LAX1: variants seen among roughly 807,000 people sequenced by gnomAD.
LAX1 encodes lymphocyte transmembrane adaptor 1, also known as lymphocyte transmembrane adapter 1.
Under a neutral mutation model 20.7 loss-of-function variants are expected in LAX1, and 17 were observed. The observed-to-expected ratio is 0.82, with a 90% confidence interval of 0.56 to 1.23. The LOEUF (loss-of-function observed/expected upper bound fraction) is 1.23. Ranked by LOEUF, LAX1 falls within the 50% of genes most tolerant of loss-of-function variation. The pLI is 0.00. For synonymous variants in LAX1, 165 were observed against 181.0 expected (o/e 0.91, Z 0.71); for missense variants, 470 against 487.0 (o/e 0.97, Z 0.33).
Position 203,774,425 on chromosome 1 carries a change from C to T in LAX1, c.941C>T (p.Pro314Leu). The change falls in exon 5 of 5, where the codon CCA becomes CTA. Residue 314 changes from proline (P) to leucine (L), a missense_variant. Transcript: ENST00000442561. ...CAGCAGCAGGCTGAGAAAGATGTGC[C>T]ATCCTCAAACATAGGTCATGTCGAG... ...GSQQQAEKDV[P>L]SSNIGHVEDK... 7 of 1,614,204 alleles carry T rather than the reference C, an allele frequency of 4.3e-6. No individual in the cohort carries two copies. The highest frequency in any genetic ancestry group is 5.9e-6 in the Non-Finnish European group (7 of 1,180,040).
In LAX1 at chr1:203,770,492, AG is replaced by A. The variant is rs1373899211; in HGVS notation, c.90-334del. Among the ~76,000 whole-genome samples the A allele has an allele frequency of 6.3e-4, 58 of 91,940 alleles. 1 individual carries two copies. Among genetic ancestry groups the A allele is most frequent in the Middle Eastern group, 4.4e-3 (1 of 228 alleles). 60.3% of individuals were successfully genotyped at this position (91,940 alleles called of 152,430 possible). On this transcript the variant is annotated intron_variant, in intron 1 of 4. Transcript: ENST00000442561. ...AAGGAAGGAAGGAAGGAAGGAAGGA[AG>A]GAAGGAAGGAAGGAAGGAAGAAAGA...
rs1381261605 is a variant in LAX1 at position 203,774,807 on chromosome 1, G to A, written c.*126G>A. 5 of 774,538 alleles carry A rather than the reference G, an allele frequency of 6.5e-6. No individual in the cohort carries two copies. The Admixed American group carries it at 1.2e-4, about 18-fold the overall frequency. 48.0% of individuals were successfully genotyped at this position (774,538 alleles called of 1,614,324 possible). ...GTGGATTCACTGGTTAGATTAAAAAGAGGCTGAGATGAGCAGTGAACTAAG... is the reference window on the plus strand; with the variant it reads ...GTGGATTCACTGGTTAGATTAAAAAAAGGCTGAGATGAGCAGTGAACTAAG... On this transcript the variant is annotated 3_prime_UTR_variant, in exon 5 of 5. Coordinates refer to ENST00000442561, the MANE Select transcript of LAX1 (RefSeq NM_017773.4).
Position 203,774,832 on chromosome 1 carries a change from G to A in LAX1, c.*151G>A. ...GAGGCTGAGATGAGCAGTGAACTAA[G>A]AGGCCACACAAAAGCAGAGGTTTGG... On this transcript the variant is annotated 3_prime_UTR_variant, in exon 5 of 5. Transcript: ENST00000442561. 1.5e-6 allele frequency: 1 copy of A among 648,260 alleles called. No individual in the cohort carries two copies. The highest frequency in any genetic ancestry group is 1.8e-5 in the African/African-American group (1 of 54,838). The allele number at this position is 648,260 out of a possible 1,614,324, so 40.2% of individuals were successfully genotyped here. A position where few individuals can be genotyped will look rare whatever the true frequency, so the allele number is the denominator to read the frequency against.
Position 203,770,836 on chromosome 1 carries a change from A to G in LAX1, c.98A>G (p.Asp33Gly). Residue 33 changes from aspartate to glycine, a missense_variant, in exon 2 of 5, where the codon GAC (aspartate) becomes GGC (glycine). Transcript: ENST00000442561. ...TTCGATTGTTTTTCTAGAAATAAAG[A>G]CCAGATCACCAACATCTTTTCCGGG... Reference protein sequence around the residue: ...VTPRSLDRNKDQITNIFSGFA... With the variant: ...VTPRSLDRNKGQITNIFSGFA... The G allele has an allele frequency of 6.2e-7, 1 of 1,613,534 alleles. No homozygotes were observed. The highest frequency in any genetic ancestry group is 8.5e-7 in the Non-Finnish European group (1 of 1,179,456).
intron 3 of LAX1, 95 bp from the exon 4 acceptor site, chr1:203,771,973 C>T: frequency 1.0e-6 from 1 of 994,096 alleles, no homozygotes; most frequent in Non-Finnish European, 1.6e-6. Flanking sequence ...ATTCCAGACA[C>T]CACGCAAACC....
At chr1:203,771,676 G>A (rs1435580724) in intron 3 of LAX1, among the ~76,000 whole-genome samples, 199 bp downstream of exon 3, 5 of 152,178 alleles carry the variant, frequency 3.3e-5, no homozygotes, top group Non-Finnish European at 7.3e-5. Context: ...GGAGCAGAGG[G>A]TCATCTGGGC....
chr1:203,770,337 AC>A (rs1484727425), intron 1 of LAX1, among the ~76,000 whole-genome samples: 1 of 145,494 alleles, frequency 6.9e-6, no homozygotes, highest in East Asian at 2.0e-4. Flanking sequence ...AATGGCTTGA[AC>A]CCAGGAGGCG....
At chr1:203,770,757 C>A in intron 1 of LAX1, 71 bp from the exon 2 acceptor site, 1 of 1,284,196 alleles carries the variant, frequency 7.8e-7, no homozygotes, top group Non-Finnish European at 1.1e-6. Flanking sequence ...GCTCTAACTC[C>A]AAAAGGAAAT....
At chr1:203,772,252 C>G (rs1228204468) in intron 4 of LAX1, 105 bp downstream of exon 4, 17 of 840,014 alleles carry the variant, frequency 2.0e-5, no homozygotes, top group Non-Finnish European at 4.0e-6. Flanking sequence ...AACAGCATGC[C>G]CTTTGGCACT....
At chr1:203,770,345 G>A (rs1240546596) in intron 1 of LAX1, among the ~76,000 whole-genome samples, 1 of 131,912 alleles carries the variant, frequency 7.6e-6, no homozygotes, top group East Asian at 2.0e-4. Flanking sequence ...GAACCCAGGA[G>A]GCGGAGGTTG....
At chr1:203,768,845 G>T (rs888137320) in intron 1 of LAX1, among the ~76,000 whole-genome samples, 1 of 152,172 alleles carries the variant, frequency 6.6e-6, no homozygotes, top group Non-Finnish European at 1.5e-5. Flanking sequence ...GCTTAGACCC[G>T]AGTGGTGGCA....
intron 4 of LAX1, among the ~76,000 whole-genome samples, chr1:203,773,634 C>G (rs960830135): frequency 2.0e-5 from 3 of 151,570 alleles, no homozygotes; most frequent in Non-Finnish European, 4.4e-5. Context: ...TGTTGTACTG[C>G]CTCTCAGTGG....
At position 203,772,159 on chromosome 1, in the gene LAX1, G is replaced by A; in HGVS notation, c.390+12G>A. 6.3e-7 allele frequency: 1 copy of A among 1,598,262 alleles called. No homozygotes were observed. The highest frequency in any genetic ancestry group is 1.1e-5 in the South Asian group (1 of 90,810). On this transcript the variant is annotated intron_variant, in intron 4 of 4. Transcript: ENST00000442561. The stretch of plus-strand genomic sequence containing the variant: ...GCCCGGAGCATGTGGTAAGAGTCAA[G>A]CTTCTTGGGAGAATGACATGTCTCT...
intron 1 of LAX1, chr1:203,769,779 G>GGGGGC (rs1667372640): frequency 6.6e-6 from 1 of 151,812 alleles, no homozygotes; most frequent in African/African-American, 2.5e-5. Context: ...GGTGCGGGGG[G>GGGGGC]GGGGGCGGCG....
Position 203,770,540 on chromosome 1 carries a change from A to G in LAX1, c.90-288A>G, listed in dbSNP as rs188237705. Among the ~76,000 whole-genome samples the G allele has an allele frequency of 8.4e-3, 1,095 of 130,156 alleles. 251 individuals are homozygous for G. The East Asian group carries it at 0.19, about 23-fold the overall frequency. The allele number at this position is 130,156 out of a possible 152,430, so 85.4% of individuals were successfully genotyped here. A position where few individuals can be genotyped will look rare whatever the true frequency, so the allele number is the denominator to read the frequency against. On this transcript the variant is annotated intron_variant, in intron 1 of 4. Transcript: ENST00000442561. ...AAGAAAGAAAGAAAGAAAGAAAGAA[A>G]GAAAGAAAGAAAGAAAGAAAGAAAG...
intron 4 of LAX1, 150 bp from the exon 5 acceptor site, chr1:203,773,725 G>A: frequency 2.9e-6 from 1 of 347,378 alleles, no homozygotes; most frequent in Admixed American, 5.8e-5. Context: ...AACTAGTTGT[G>A]ATTTATCATC....
At chr1:203,769,481 T>A (rs892140942) in intron 1 of LAX1, among the ~76,000 whole-genome samples, 4 of 151,048 alleles carry the variant, frequency 2.6e-5, no homozygotes, top group Non-Finnish European at 5.9e-5. Flanking sequence ...GTTGTATAAA[T>A]AAGCCTAAAA....
In LAX1 at chr1:203,775,255, G is replaced by A. The variant is rs140394232; in HGVS notation, c.*574G>A. 2.0e-3 allele frequency: 305 copies of A among 153,080 alleles called. 2 individuals are homozygous for A. Among genetic ancestry groups the A allele is most frequent in the Non-Finnish European group, 3.6e-3 (246 of 68,724 alleles). 9.5% of individuals were successfully genotyped at this position (153,080 alleles called of 1,614,324 possible). The stretch of plus-strand genomic sequence containing the variant: ...CTAAAAATACAAAAATTAGCCAGGC[G>A]TGGTGGTGTGCCCCTGTAATCCCAG... On this transcript the variant is annotated 3_prime_UTR_variant, in exon 5 of 5. Coordinates refer to ENST00000442561, the MANE Select transcript of LAX1 (RefSeq NM_017773.4).
rs766407041 is a variant in LAX1, at chr1:203,774,125, GA to G, written c.644del (p.Asn215IlefsTer57). On this transcript the variant is annotated frameshift_variant, in exon 5 of 5. Transcript: ENST00000442561. LOFTEE classifies it low-confidence loss of function (END_TRUNC). ...CTAGCTTCTACCAAAAGCCCTTCCAGAAATCTCTTTGTTCTTCCCAGTACCC... is the reference window on the plus strand; with the variant it reads ...CTAGCTTCTACCAAAAGCCCTTCCAGAATCTCTTTGTTCTTCCCAGTACCC... ...ETLASTKSPS[R>X]NLFVLPSTQK... is the part of the protein sequence containing the mutation. The G allele has an allele frequency of 6.2e-7, 1 of 1,614,188 alleles. No homozygotes were observed. Among genetic ancestry groups the G allele is most frequent in the Non-Finnish European group, 8.5e-7 (1 of 1,180,048 alleles).
Sources: allele counts gnomAD v4.1 joint callset (sites outside exome capture counted in the v4.1 genomes callset), GRCh38; gene constraint gnomAD v4.1.1; transcripts MANE v1.5; gene names NCBI Gene and HGNC (gene_info 2026-07-23, HGNC 2026-07-21).